Variants in ABCC4 observed in about 807,000 individuals in gnomAD.
ABCC4 encodes the protein ATP-binding cassette sub-family C member 4.
ABCC4 carries 102 observed loss-of-function variants against 168.5 expected under a neutral mutation model. That is an observed-to-expected ratio of 0.61 (90% CI 0.52 to 0.71). The LOEUF (loss-of-function observed/expected upper bound fraction) is 0.71. ABCC4 is among the 30% of genes least tolerant of loss of function. The pLI, the probability that ABCC4 is intolerant of heterozygous loss-of-function variation, is 0.00. For missense variants in ABCC4, 1,402 were observed against 1,605.8 expected (o/e 0.87, Z 2.17); for synonymous variants, 617 against 590.7 (o/e 1.04, Z -0.65).
At chr13:95,298,190 G>A (rs572402004) in intron 1 of ABCC4, among the ~76,000 whole-genome samples, 3 of 152,252 alleles carry the variant, frequency 2.0e-5, no homozygotes, top group South Asian at 2.1e-4. Context: ...TTGAGAGACT[G>A]GGGCAGGAGA....
intron 14 of ABCC4, among the ~76,000 whole-genome samples, chr13:95,168,868 C>T (rs996902739): frequency 1.3e-5 from 2 of 152,160 alleles, no homozygotes; most frequent in Admixed American, 1.3e-4. Flanking sequence ...TGTTCGAGTC[C>T]TAAATCCTGT....
At chr13:95,255,379 C>T (rs2040367350) in intron 1 of ABCC4, among the ~76,000 whole-genome samples, 1 of 152,210 alleles carries the variant, frequency 6.6e-6, no homozygotes, top group Non-Finnish European at 1.5e-5. Context: ...CTTCAATCTC[C>T]TCCCATTCTC....
At chr13:95,187,099 T>C (rs1028142168) in intron 10 of ABCC4, among the ~76,000 whole-genome samples, 27 of 152,176 alleles carry the variant, frequency 1.8e-4, no homozygotes, top group African/African-American at 6.3e-4. Flanking sequence ...AAATAGAGTG[T>C]AACAATCTAC....
chr13:95,280,572 TAAAAAAAAAAAAA>T (rs61654581), intron 1 of ABCC4, among the ~76,000 whole-genome samples: 3 of 131,034 alleles, frequency 2.3e-5, no homozygotes, highest in Non-Finnish European at 4.8e-5. Flanking sequence ...TGCCTTCTAT[TAAAAAAAAAAAAA>T]AAAAAAAAAC....
At chr13:95,120,567 CAAAAAAAAAAAA>C (rs35906536) in intron 19 of ABCC4, among the ~76,000 whole-genome samples, 1 of 90,844 alleles carries the variant, frequency 1.1e-5, no homozygotes, top group African/African-American at 4.6e-5. Flanking sequence ...GAGACTCCGT[CAAAAAAAAAAAA>C]AAAAAAAAAG....
intron 23 of ABCC4, 79 bp downstream of exon 23, chr13:95,074,135 G>T: frequency 9.1e-7 from 1 of 1,096,044 alleles, no homozygotes; most frequent in Non-Finnish European, 1.3e-6. Context: ...TAGTAGACAA[G>T]GTGGCAAGAG....
intron 19 of ABCC4, among the ~76,000 whole-genome samples, chr13:95,158,300 C>T (rs547861371): frequency 6.6e-5 from 10 of 152,060 alleles, no homozygotes; most frequent in Non-Finnish European, 2.9e-5. Flanking sequence ...AGGGGGATGG[C>T]ACACTGGGGT....
chr13:95,259,602 G>T (rs1386353858), intron 1 of ABCC4, among the ~76,000 whole-genome samples: 1 of 152,132 alleles, frequency 6.6e-6, no homozygotes, highest in South Asian at 2.1e-4. Context: ...TTGCCAGGGT[G>T]GCAAAATCAC....
chr13:95,246,123 A>C (rs936010942), intron 3 of ABCC4, among the ~76,000 whole-genome samples: 2 of 152,138 alleles, frequency 1.3e-5, no homozygotes, highest in African/African-American at 4.8e-5. Context: ...CTTTCTGCAG[A>C]TCTCAAGAGA....
Position 95,266,319 on chromosome 13 carries a change from T to C in ABCC4, c.75-18566A>G, listed in dbSNP as rs150887527. 4 of 152,354 alleles carry C rather than the reference T, an allele frequency of 2.6e-5. No homozygotes were observed. The East Asian group carries it at 7.7e-4, about 29-fold the overall frequency. 9.4% of individuals were successfully genotyped at this position (152,354 alleles called of 1,614,324 possible). ...ATGTAAACACAGGTAGAGACTCAAG[T>C]GATGCAGCCACAAGCCAAGGACACT... On this transcript the variant is annotated intron_variant, in intron 1 of 30. Coordinates refer to ENST00000645237, the MANE Select transcript of ABCC4 (RefSeq NM_005845.5).
chr13:95,222,663 T>C (rs1480896052), intron 4 of ABCC4, among the ~76,000 whole-genome samples: 2 of 152,204 alleles, frequency 1.3e-5, no homozygotes, highest in Non-Finnish European at 2.9e-5. Flanking sequence ...GGTGAGGTAC[T>C]GAAATTCTCA....
intron 1 of ABCC4, among the ~76,000 whole-genome samples, chr13:95,278,657 C>A (rs973775129): frequency 1.4e-4 from 21 of 151,824 alleles, no homozygotes; most frequent in South Asian, 4.2e-4. Flanking sequence ...ATTAGCCAGG[C>A]ATGGTGGTGC....
chr13:95,119,553 GT>G lies in ABCC4; in HGVS notation c.2456-3553del, dbSNP rs1367167278. On this transcript the variant is annotated intron_variant, in intron 19 of 30. Transcript: ENST00000645237. Reference sequence around the variant, plus strand: ...TATAAAAGGTGTTAATGAACTTTTTGTCAAAATACAAATTCATAAATGACTC... The same window carrying G: ...TATAAAAGGTGTTAATGAACTTTTTGCAAAATACAAATTCATAAATGACTC... 5.3e-5 allele frequency among the ~76,000 whole-genome samples: 8 copies of G among 152,150 alleles called. No individual in the cohort carries two copies. The East Asian group carries it at 1.5e-3, about 29-fold the overall frequency.
At chr13:95,100,735 C>T (rs760240391) in intron 20 of ABCC4, among the ~76,000 whole-genome samples, 4 of 152,158 alleles carry the variant, frequency 2.6e-5, no homozygotes, top group Admixed American at 1.3e-4. Flanking sequence ...AGCATGAGAA[C>T]GCCGTGATTC....
At chr13:95,282,229 T>C (rs1227193892) in intron 1 of ABCC4, among the ~76,000 whole-genome samples, 3 of 151,700 alleles carry the variant, frequency 2.0e-5, no homozygotes, top group African/African-American at 7.3e-5. Context: ...TGGGGGGACA[T>C]AATTCAGCCC....
chr13:95,160,633 T>C (rs2037067541), intron 19 of ABCC4, among the ~76,000 whole-genome samples: 1 of 152,218 alleles, frequency 6.6e-6, no homozygotes. Flanking sequence ...GTTTACATTT[T>C]ATCAATCTTG....
rs2039720031 is a variant in ABCC4, at chr13:95,234,815, T to C, written c.326A>G (p.Gln109Arg). 3.2e-6 allele frequency: 5 copies of C among 1,560,390 alleles called. No homozygotes were observed. Among genetic ancestry groups the C allele is most frequent in the Non-Finnish European group, 4.3e-6 (5 of 1,150,788 alleles). ...TLIEESAKVI[Q>R]PIFLGKIINY... ...AATAATTTTTCCCAAAAATATGGGC[T>C]GGATTACTTTGGCACTTTCCTAAAA... The change falls in exon 4 of 31, where the codon CAG (glutamine) becomes CGG (arginine). Residue 109 changes from glutamine to arginine, a missense_variant. By Grantham distance (43) the Gln-to-Arg change is conservative. Coordinates refer to ENST00000645237, the MANE Select transcript of ABCC4 (RefSeq NM_005845.5).
At position 95,293,633 on chromosome 13, in the gene ABCC4, A is replaced by T. The variant is rs375197426; in HGVS notation, c.74+7608T>A. Reference sequence around the variant, plus strand: ...AGGTGCATGCCACCACGCCCAGCTAATTTTTGTATTTTTAGTAGAGACGGG... The same window carrying T: ...AGGTGCATGCCACCACGCCCAGCTATTTTTTGTATTTTTAGTAGAGACGGG... On this transcript the variant is annotated intron_variant, in intron 1 of 30. Coordinates refer to ENST00000645237, the MANE Select transcript of ABCC4 (RefSeq NM_005845.5). Among the ~76,000 whole-genome samples, 13 of 151,594 alleles carry T rather than the reference A, an allele frequency of 8.6e-5. No individual in the cohort carries two copies. The East Asian group carries it at 1.6e-3, about 19-fold the overall frequency.
At position 95,163,134 on chromosome 13, in the gene ABCC4, C is replaced by T. The variant is rs2037152821; in HGVS notation, c.2296G>A (p.Gly766Arg). 1 of 1,609,334 alleles carries T rather than the reference C, an allele frequency of 6.2e-7. No homozygotes were observed. The highest frequency in any genetic ancestry group is 8.5e-7 in the Non-Finnish European group (1 of 1,175,968). The change falls in exon 18 of 31, where the codon GGA (glycine) becomes AGA (arginine). Residue 766 changes from glycine to arginine, a missense_variant. By Grantham distance (125) the Gly-to-Arg change is moderately radical. Coordinates refer to ENST00000645237, the MANE Select transcript of ABCC4 (RefSeq NM_005845.5). Reference sequence around the variant, plus strand: ...GATTAAACTTTACCTGAATAAATTCCTAAGTACCAGTTAAGATCTAGCTTC... The same window carrying T: ...GATTAAACTTTACCTGAATAAATTCTTAAGTACCAGTTAAGATCTAGCTTC... Reference protein sequence around the residue: ...TEKLDLNWYLGIYSGLTVATV... With the variant: ...TEKLDLNWYLRIYSGLTVATV...
Sources: gnomAD v4.1 joint callset for allele counts (sites outside exome capture counted in the v4.1 genomes callset) on GRCh38, gnomAD v4.1.1 for gene constraint, MANE v1.5 for transcripts, NCBI Gene and HGNC (gene_info 2026-07-23, HGNC 2026-07-21) for gene names.